GPR132: variants seen among roughly 807,000 people sequenced by gnomAD.
The protein encoded by GPR132 is probable G protein-coupled receptor 132.
A neutral mutation model predicts 1.9 loss-of-function variants in GPR132; 4 were observed. The observed-to-expected ratio is 2.13, with a 90% CI of 1.05 to 4.87. The LOEUF (loss-of-function observed/expected upper bound fraction) is 4.87, where lower values mean the gene tolerates loss of function less well. GPR132 is among the 30% of genes most tolerant of loss of function. The pLI, the probability that GPR132 is intolerant of heterozygous loss-of-function variation, is 0.01. For synonymous variants in GPR132, 233 were observed against 234.2 expected, an observed-to-expected ratio of 0.99 and a Z score of 0.05; for missense variants, 404 against 512.5, an observed-to-expected ratio of 0.79 and a Z score of 2.04.
chr14:105,055,312 G>C lies in GPR132; in HGVS notation c.34+75C>G. Reference sequence around the variant, plus strand: ...ACTGCACTCCAGCCTGGGCGATAGAGTGAGACTCAATCGCAAGAAAAAAAA... The same window carrying C: ...ACTGCACTCCAGCCTGGGCGATAGACTGAGACTCAATCGCAAGAAAAAAAA... On this transcript the variant is annotated intron_variant, in intron 3 of 3. Transcript: ENST00000329797. The surrounding 1 kb of genome is among the most constrained non-coding windows in gnomAD (Gnocchi z 4.7). 1.3e-6 allele frequency: 1 copy of C among 779,718 alleles called. No individual in the cohort carries two copies. The highest frequency in any genetic ancestry group is 2.4e-6 in the Non-Finnish European group (1 of 417,230). The allele number at this position is 779,718 out of a possible 1,614,324, so 48.3% of individuals were successfully genotyped here.
In GPR132 at chr14:105,062,675, G is replaced by A. The variant is rs139245504; in HGVS notation, c.-861+2704C>T. On this transcript the variant is annotated intron_variant, in intron 1 of 3. Coordinates refer to ENST00000329797, the MANE Select transcript of GPR132 (RefSeq NM_013345.4). ...CCTGCCTCAGCCTCCCGAGTGGTTG[G>A]GACTACAGGCACACCACCACGTCCA... Among the ~76,000 whole-genome samples, 230 of 150,928 alleles carry A rather than the reference G, an allele frequency of 1.5e-3. 6 individuals are homozygous for A. In the East Asian group the frequency reaches 0.028, roughly 19 times the overall value.
chr14:105,051,478 T>G lies in GPR132; in HGVS notation c.659A>C (p.His220Pro). 1 of 1,613,814 alleles carries G rather than the reference T, an allele frequency of 6.2e-7. No individual in the cohort carries two copies. The highest frequency in any genetic ancestry group is 8.5e-7 in the Non-Finnish European group (1 of 1,179,986). ...IPLSIIAFTN[H>P]RIFRSIKQSM... Reference sequence around the variant, plus strand: ...CTGCTTGATGCTCCTGAAAATCCGGTGGTTGGTGAAGGCGATGATGGAGAG... The same window carrying G: ...CTGCTTGATGCTCCTGAAAATCCGGGGGTTGGTGAAGGCGATGATGGAGAG... Residue 220 changes from histidine to proline, a missense_variant, in exon 4 of 4, where the codon CAC becomes CCC. His to Pro is a moderately conservative substitution (Grantham distance 77). Transcript: ENST00000329797. This position sits in a 1 kb window ranked among gnomAD's most constrained non-coding sequence, Gnocchi z 8.0.
At chr14:105,061,038 A>G (rs931610907) in intron 1 of GPR132, among the ~76,000 whole-genome samples, 1 of 152,232 alleles carries the variant, frequency 6.6e-6, no homozygotes. Flanking sequence ...TGACGTCCAG[A>G]TCCCGCCACG....
At chr14:105,052,913 C>G (rs1886689428) in intron 3 of GPR132, among the ~76,000 whole-genome samples, 1 of 149,546 alleles carries the variant, frequency 6.7e-6, no homozygotes, top group Non-Finnish European at 1.5e-5. Context: ...GAGCTGAGAT[C>G]GTGCCGCTGT....
chr14:105,054,427 C>CTTTT (rs59700022), intron 3 of GPR132: 40 of 862,732 alleles, frequency 4.6e-5, no homozygotes, highest in East Asian at 2.6e-4. Context: ...CTTTTTTTTT[C>CTTTT]TTTTTTTTTT....
In GPR132 at chr14:105,055,739, C is replaced by T. The variant is rs901919132; in HGVS notation, c.-319G>A. On this transcript the variant is annotated 5_prime_UTR_variant, in exon 3 of 4. Transcript: ENST00000329797. The surrounding 1 kb of genome is among the most constrained non-coding windows in gnomAD (Gnocchi z 4.7). The stretch of plus-strand genomic sequence containing the variant: ...TGGTATTCCATTGTATTCAGTGTGT[C>T]CTCCAGGGTCTCGCCAAAAATATAA... The T allele has an allele frequency of 2.4e-6, 1 of 417,094 alleles. No homozygotes were observed. The highest frequency in any genetic ancestry group is 2.0e-5 in the African/African-American group (1 of 50,788). The allele number at this position is 417,094 out of a possible 1,614,324, so 25.8% of individuals were successfully genotyped here.
chr14:105,054,606 G>C (rs1886738935), intron 3 of GPR132, among the ~76,000 whole-genome samples: 1 of 150,830 alleles, frequency 6.6e-6, no homozygotes, highest in Non-Finnish European at 1.5e-5. Context: ...AATTTTTGTA[G>C]TTTTAGTAGA....
rs767861896 is a variant in GPR132 at position 105,051,867 on chromosome 14, C to T, written c.270G>A (p.Leu90=). The T allele has an allele frequency of 3.7e-6, 6 of 1,613,724 alleles. No homozygotes were observed. The African/African-American group carries it at 5.3e-5, about 14-fold the overall frequency. The change falls in exon 4 of 4, where the codon CTG becomes CTA. Residue 90 remains leucine, a synonymous_variant. Coordinates refer to ENST00000329797, the MANE Select transcript of GPR132 (RefSeq NM_013345.4). This position sits in a 1 kb window ranked among gnomAD's most constrained non-coding sequence, Gnocchi z 8.0. ...YLLCLALCEL[L]YTGTLPLWVI... ...CCCAGAGTGGCAGCGTGCCTGTGTACAGCAGCTCGCAGAGTGCCAGGCAGA... is the reference window on the plus strand; with the variant it reads ...CCCAGAGTGGCAGCGTGCCTGTGTATAGCAGCTCGCAGAGTGCCAGGCAGA...
In GPR132 at chr14:105,060,037, C is replaced by T. The variant is rs893016209; in HGVS notation, c.-860-2757G>A. On this transcript the variant is annotated intron_variant, in intron 1 of 3. Coordinates refer to ENST00000329797, the MANE Select transcript of GPR132 (RefSeq NM_013345.4). The surrounding 1 kb of genome is among the most constrained non-coding windows in gnomAD (Gnocchi z 6.3). ...GGGGTTCCTGGGCTACCCATTCTGCCACCACCCTGCCACTGGCTGGAGTAA... is the reference window on the plus strand; with the variant it reads ...GGGGTTCCTGGGCTACCCATTCTGCTACCACCCTGCCACTGGCTGGAGTAA... 6.6e-6 allele frequency among the ~76,000 whole-genome samples: 1 copy of T among 152,230 alleles called. No individual in the cohort carries two copies. The highest frequency in any genetic ancestry group is 1.5e-5 in the Non-Finnish European group (1 of 68,042).
intron 1 of GPR132, among the ~76,000 whole-genome samples, chr14:105,063,574 G>A (rs1421521272): frequency 3.3e-5 from 5 of 151,048 alleles, no homozygotes; most frequent in Middle Eastern, 3.5e-3. Context: ...AAGGGGTTTC[G>A]CCATATTGGT....
At chr14:105,058,349 G>T (rs1324872350) in intron 1 of GPR132, among the ~76,000 whole-genome samples, 1 of 151,984 alleles carries the variant, frequency 6.6e-6, no homozygotes, top group African/African-American at 2.4e-5. Context: ...TACAGAGAGA[G>T]ACCCCGTCTC....
chr14:105,052,915 T>C (rs1169957990), intron 3 of GPR132, among the ~76,000 whole-genome samples: 2 of 149,186 alleles, frequency 1.3e-5, no homozygotes, highest in African/African-American at 4.9e-5. Flanking sequence ...GCTGAGATCG[T>C]GCCGCTGTAC....
At position 105,055,198 on chromosome 14, in the gene GPR132, G is replaced by A. The variant is rs1045286252; in HGVS notation, c.34+189C>T. On this transcript the variant is annotated intron_variant, in intron 3 of 3. Transcript: ENST00000329797. This position sits in a 1 kb window ranked among gnomAD's most constrained non-coding sequence, Gnocchi z 4.7. ...TACAAATATTAGCCAGGCGTGGTGG[G>A]CACCTGTAATCCCAGCTACTTGGGA... Among the ~76,000 whole-genome samples the A allele has an allele frequency of 6.6e-6, 1 of 151,798 alleles. No homozygotes were observed. The highest frequency in any genetic ancestry group is 1.5e-5 in the Non-Finnish European group (1 of 67,974).
In GPR132 at chr14:105,056,377, G is replaced by A. The variant is rs1205222053; in HGVS notation, c.-746-211C>T. ...GCCCCAGCCCCGCTGTGCGAGTCCT[G>A]AGCTCAGAGGAAGTTTCGGGCCCCC... On this transcript the variant is annotated intron_variant, in intron 2 of 3. Transcript: ENST00000329797. This position sits in a 1 kb window ranked among gnomAD's most constrained non-coding sequence, Gnocchi z 6.0. 6.6e-6 allele frequency among the ~76,000 whole-genome samples: 1 copy of A among 152,276 alleles called. No homozygotes were observed. Among genetic ancestry groups the A allele is most frequent in the East Asian group, 1.9e-4 (1 of 5,176 alleles).
At chr14:105,054,553 C>T in intron 3 of GPR132, 1 of 297,946 alleles carries the variant, frequency 3.4e-6, no homozygotes, top group Non-Finnish European at 5.0e-6. Context: ...GCCTCAGCCT[C>T]CCGAGTAGCT....
chr14:105,051,162 C>A lies in GPR132; in HGVS notation c.975G>T (p.Gly325=), dbSNP rs1434546382. 22 of 1,614,208 alleles carry A rather than the reference C, an allele frequency of 1.4e-5. No homozygotes were observed. The highest frequency in any genetic ancestry group is 1.9e-5 in the Non-Finnish European group (22 of 1,180,024). The part of the protein sequence containing the change: ...SRQEVSRIHK[G]WKEWSMKTDV... Reference sequence around the variant, plus strand: ...CTGTCTTCATGGACCACTCTTTCCACCCCTTATGGATTCTGGACACTTCTT... The same window carrying A: ...CTGTCTTCATGGACCACTCTTTCCAACCCTTATGGATTCTGGACACTTCTT... Residue 325 remains glycine (G), a synonymous_variant, in exon 4 of 4, where the codon GGG becomes GGT. Transcript: ENST00000329797. This position sits in a 1 kb window ranked among gnomAD's most constrained non-coding sequence, Gnocchi z 8.0.
chr14:105,052,148 C>T, intron 3 of GPR132, 46 bp from the exon 4 acceptor site: 2 of 1,472,366 alleles, frequency 1.4e-6, no homozygotes, highest in Non-Finnish European at 9.1e-7. Flanking sequence ...CTGGAAACCA[C>T]CTGGGAGAGA....
intron 1 of GPR132, among the ~76,000 whole-genome samples, chr14:105,063,581 T>G (rs1392254447): frequency 6.6e-6 from 1 of 151,870 alleles, no homozygotes. Context: ...TTCGCCATAT[T>G]GGTCAGGCTG....
At chr14:105,053,140 C>G (rs1886696112) in intron 3 of GPR132, among the ~76,000 whole-genome samples, 1 of 149,646 alleles carries the variant, frequency 6.7e-6, no homozygotes, top group Admixed American at 6.7e-5. Context: ...AATTCCTAAC[C>G]TGTAGTCTTT....
Sources: allele counts gnomAD v4.1 joint callset (sites outside exome capture counted in the v4.1 genomes callset), GRCh38; gene constraint gnomAD v4.1.1; non-coding constraint Gnocchi (gnomAD v3.1); transcripts MANE v1.5; gene names NCBI Gene and HGNC (gene_info 2026-07-23, HGNC 2026-07-21).